PIK3C2G: variants seen among roughly 807,000 people sequenced by gnomAD.
PIK3C2G encodes phosphatidylinositol-4-phosphate 3-kinase catalytic subunit type 2 gamma.
Under a neutral mutation model 181.1 loss-of-function variants are expected in PIK3C2G, and 168 were observed. That is an observed-to-expected ratio of 0.93 (90% CI 0.82 to 1.05). The LOEUF (loss-of-function observed/expected upper bound fraction) is 1.05, where lower values mean the gene tolerates loss of function less well. Among genes scored for constraint, PIK3C2G ranks in the 50% least tolerant of loss-of-function variants. The pLI is 0.00. For synonymous variants in PIK3C2G, 573 were observed against 592.2 expected (o/e 0.97, Z 0.47); for missense variants, 1,869 against 1,732.8 (o/e 1.08, Z -1.40).
intron 16 of PIK3C2G, among the ~76,000 whole-genome samples, chr12:18,403,914 A>G (rs567663265): frequency 2.3e-4 from 35 of 152,252 alleles, no homozygotes; most frequent in African/African-American, 8.4e-4. Context: ...TAACAAGCAA[A>G]AATTACCCAA....
intron 4 of PIK3C2G, among the ~76,000 whole-genome samples, chr12:18,292,238 AT>A (rs1949743966): frequency 7.5e-6 from 1 of 132,818 alleles, no homozygotes; most frequent in Non-Finnish European, 1.6e-5. Context: ...ATATATATAT[AT>A]ATATATATAT....
chr12:18,449,764 C>A (rs146326893), intron 18 of PIK3C2G, among the ~76,000 whole-genome samples: 1 of 152,064 alleles, frequency 6.6e-6, no homozygotes, highest in South Asian at 2.1e-4. Flanking sequence ...AATAAATATA[C>A]GTGTGCATGT....
intron 18 of PIK3C2G, among the ~76,000 whole-genome samples, chr12:18,433,203 T>C (rs535427565): frequency 6.6e-6 from 1 of 152,224 alleles, no homozygotes; most frequent in South Asian, 2.1e-4. Flanking sequence ...TCTTTTATAG[T>C]GTCTAATTGA....
chr12:18,308,077 C>T (rs957705898), intron 5 of PIK3C2G, among the ~76,000 whole-genome samples: 18 of 151,744 alleles, frequency 1.2e-4, no homozygotes, highest in African/African-American at 4.4e-4. Context: ...TGATTAGTAG[C>T]TGCTTGTATT....
chr12:18,700,939 C>T, the PIK3C2G span, among the ~76,000 whole-genome samples: 1 of 151,806 alleles, frequency 6.6e-6, no homozygotes, highest in African/African-American at 2.4e-5. Flanking sequence ...GCACTTCGCA[C>T]AAAGCCTGTT....
At chr12:18,468,629 T>C (rs1360613854) in intron 18 of PIK3C2G, among the ~76,000 whole-genome samples, 1 of 152,060 alleles carries the variant, frequency 6.6e-6, no homozygotes, top group East Asian at 1.9e-4. Flanking sequence ...CTTCTCCCTT[T>C]ATTGACTCTA....
At position 18,320,970 on chromosome 12, in the gene PIK3C2G, G is replaced by T; in HGVS notation, c.1146G>T (p.Glu382Asp). 4 of 1,557,810 alleles carry T rather than the reference G, an allele frequency of 2.6e-6. No homozygotes were observed. Among genetic ancestry groups the T allele is most frequent in the Non-Finnish European group, 3.5e-6 (4 of 1,133,486 alleles). The change falls in exon 7 of 33, where the codon GAG (glutamate) becomes GAT (aspartate). Residue 382 changes from glutamate (E) to aspartate (D), a missense_variant. By Grantham distance (45) the Glu-to-Asp change is conservative (BLOSUM62 2). Coordinates refer to ENST00000538779, the MANE Select transcript of PIK3C2G (RefSeq NM_001288772.2). The stretch of plus-strand genomic sequence containing the variant: ...TATTCTGCTGTCTACAGCATGAAGA[G>T]GACCACAGTCAGTTTTATCTGAATC... ...APGKLSRKHE[E>D]DHSQFYLNQL...
the PIK3C2G span, among the ~76,000 whole-genome samples, chr12:18,712,043 A>C: frequency 6.6e-6 from 1 of 152,160 alleles, no homozygotes; most frequent in Admixed American, 6.6e-5. Context: ...GTATTGACAT[A>C]GGAGAACTTT....
intron 26 of PIK3C2G, among the ~76,000 whole-genome samples, chr12:18,550,082 A>G (rs1944644996): frequency 6.6e-6 from 1 of 151,936 alleles, no homozygotes; most frequent in African/African-American, 2.4e-5. Context: ...TATCTGTTCA[A>G]TTTCTCTGTG....
intron 18 of PIK3C2G, among the ~76,000 whole-genome samples, chr12:18,439,595 G>A (rs1280286934): frequency 6.6e-6 from 1 of 151,866 alleles, no homozygotes; most frequent in African/African-American, 2.4e-5. Flanking sequence ...TATGTATCTG[G>A]GGTAATTTCT....
At chr12:18,702,244 A>T in the PIK3C2G span, among the ~76,000 whole-genome samples, 2 of 152,090 alleles carry the variant, frequency 1.3e-5, no homozygotes, top group East Asian at 1.9e-4. Context: ...TAAATTAAAG[A>T]TTCGTAATAA....
intron 18 of PIK3C2G, among the ~76,000 whole-genome samples, chr12:18,483,774 T>C (rs540085301): frequency 2.6e-5 from 4 of 152,230 alleles, no homozygotes; most frequent in African/African-American, 9.6e-5. Flanking sequence ...AAAGTTGGCA[T>C]ATTCATTAGT....
upstream of PIK3C2G, among the ~76,000 whole-genome samples, chr12:18,259,239 C>T (rs1274935468): frequency 1.3e-5 from 2 of 151,996 alleles, no homozygotes; most frequent in Non-Finnish European, 2.9e-5. Context: ...GAACTTTTGA[C>T]TTAAAAAGTG....
rs756311274 is a variant in PIK3C2G, at chr12:18,546,305, G to T, written c.3481-18G>T. 7 of 1,382,482 alleles carry T rather than the reference G, an allele frequency of 5.1e-6. No homozygotes were observed. The highest frequency in any genetic ancestry group is 3.7e-5 in the Admixed American group (2 of 53,908). The allele number at this position is 1,382,482 out of a possible 1,614,324, so 85.6% of individuals were successfully genotyped here. On this transcript the variant is annotated intron_variant, in intron 25 of 32. Coordinates refer to ENST00000538779, the MANE Select transcript of PIK3C2G (RefSeq NM_001288772.2). ...ATTCTGTCTTCTTTTTGCTTTGCTTGTTCTTGTTGTGGTTAAGATGCTGTA... is the reference window on the plus strand; with the variant it reads ...ATTCTGTCTTCTTTTTGCTTTGCTTTTTCTTGTTGTGGTTAAGATGCTGTA...
intron 1 of PIK3C2G, among the ~76,000 whole-genome samples, chr12:18,248,576 AAACAACAAC>A (rs139110088): frequency 0.061 from 9,232 of 151,356 alleles, 415 homozygotes; most frequent in Non-Finnish European, 0.094. Flanking sequence ...ATCTCAAACA[AAACAACAAC>A]AACAACAACA....
At chr12:18,586,702 C>T (rs1003514350) in intron 29 of PIK3C2G, among the ~76,000 whole-genome samples, 6 of 151,990 alleles carry the variant, frequency 3.9e-5, no homozygotes, top group African/African-American at 1.2e-4. Context: ...GAGACTTTTC[C>T]CCAGTTCATT....
intron 11 of PIK3C2G, among the ~76,000 whole-genome samples, chr12:18,357,448 A>G (rs1012226557): frequency 6.6e-6 from 1 of 152,220 alleles, no homozygotes; most frequent in African/African-American, 2.4e-5. Context: ...CTATGAATTC[A>G]TTAAATGTTT....
intron 4 of PIK3C2G, among the ~76,000 whole-genome samples, chr12:18,292,576 T>C (rs1396258119): frequency 1.3e-5 from 2 of 152,076 alleles, no homozygotes; most frequent in Non-Finnish European, 2.9e-5. Flanking sequence ...AGACCATAGG[T>C]TGGGTCATGT....
chr12:18,478,819 T>C (rs916433562), intron 18 of PIK3C2G, among the ~76,000 whole-genome samples: 7 of 151,652 alleles, frequency 4.6e-5, no homozygotes, highest in Admixed American at 6.6e-5. Context: ...TACAAAAAAT[T>C]TAAAAATTAC....
Sources: allele counts gnomAD v4.1 joint callset (sites outside exome capture counted in the v4.1 genomes callset), GRCh38; gene constraint gnomAD v4.1.1; transcripts MANE v1.5; gene names NCBI Gene and HGNC (gene_info 2026-07-23, HGNC 2026-07-21).